Variants in POLR1D observed in about 807,000 individuals in gnomAD.
The protein encoded by POLR1D is DNA-directed RNA polymerases I and III subunit RPAC2.
A neutral mutation model predicts 10.8 loss-of-function variants in POLR1D; 8 were observed. That is an observed-to-expected ratio of 0.74 (90% CI 0.43 to 1.33). The LOEUF (loss-of-function observed/expected upper bound fraction) is 1.33, where lower values mean the gene tolerates loss of function less well. Ranked by LOEUF, POLR1D falls within the 40% of genes most tolerant of loss-of-function variation. POLR1D has a pLI of 0.01. For synonymous variants in POLR1D, 54 were observed against 57.2 expected (o/e 0.94, Z 0.25); for missense variants, 152 against 161.7 (o/e 0.94, Z 0.32).
intron 2 of POLR1D, among the ~76,000 whole-genome samples, chr13:27,655,629 T>C (rs1956301554): frequency 6.6e-6 from 1 of 152,192 alleles, no homozygotes; most frequent in Non-Finnish European, 1.5e-5. Flanking sequence ...TAATGTCAGG[T>C]TGCCCTTGAT....
chr13:27,624,761 G>T (rs764576964), downstream of POLR1D, among the ~76,000 whole-genome samples: 1 of 152,124 alleles, frequency 6.6e-6, no homozygotes, highest in African/African-American at 2.4e-5. Context: ...GGTGACACAT[G>T]CCTGTAGTCC....
rs529475227 is a variant in POLR1D at position 27,643,940 on chromosome 13, A to G, written c.27-4439A>G. Reference sequence around the variant, plus strand: ...AGAGAGTAGTCTTATTAAGCAATGTATTGCCTTTTTTGAACCTGTTTTTCT... The same window carrying G: ...AGAGAGTAGTCTTATTAAGCAATGTGTTGCCTTTTTTGAACCTGTTTTTCT... On this transcript the variant is annotated intron_variant, in intron 1 of 2. Coordinates refer to the POLR1D transcript ENST00000399697. Among the ~76,000 whole-genome samples, 6 of 152,286 alleles carry G rather than the reference A, an allele frequency of 3.9e-5. No individual in the cohort carries two copies. In the East Asian group the frequency reaches 9.6e-4, roughly 24 times the overall value.
At chr13:27,666,924 T>C (rs11149483) in exon 3 of POLR1D, 43,878 of 152,126 alleles carry the variant, frequency 0.29, 7,679 homozygotes, top group Admixed American at 0.42. Flanking sequence ...TGTCTCCCTG[T>C]TCCCCCTCCC....
chr13:27,637,669 G>A (rs1956137977), intron 1 of POLR1D, among the ~76,000 whole-genome samples: 1 of 151,870 alleles, frequency 6.6e-6, no homozygotes, highest in Admixed American at 6.6e-5. Flanking sequence ...TTGTAAAATG[G>A]GATTTAAAAT....
At chr13:27,630,835 T>C (rs1956065747) in intron 1 of POLR1D, among the ~76,000 whole-genome samples, 1 of 152,226 alleles carries the variant, frequency 6.6e-6, no homozygotes, top group African/African-American at 2.4e-5. Flanking sequence ...ATGTTATCCA[T>C]AGGAGCCCTC....
chr13:27,652,920 T>C (rs918235601), intron 2 of POLR1D, among the ~76,000 whole-genome samples: 2 of 138,090 alleles, frequency 1.4e-5, no homozygotes, highest in Non-Finnish European at 3.1e-5. Context: ...TCTTTTTTTT[T>C]TTTTTTTTTT....
In POLR1D at chr13:27,663,408, T is replaced by C. The variant is rs1956384293; in HGVS notation, c.102-2278T>C. Among the ~76,000 whole-genome samples the C allele has an allele frequency of 6.6e-6, 1 of 152,164 alleles. No homozygotes were observed. Among genetic ancestry groups the C allele is most frequent in the Admixed American group, 6.5e-5 (1 of 15,276 alleles). ...ATAACCAACATTAAAAAACTGCATC[T>C]CTGATGTTAAAAGAGATGTAAATGC... On this transcript the variant is annotated intron_variant, in intron 2 of 2. Coordinates refer to the POLR1D transcript ENST00000399697. The surrounding 1 kb of genome is among the most constrained non-coding windows in gnomAD (Gnocchi z 4.1).
At chr13:27,666,050 G>T (rs1012066469) in exon 3 of POLR1D, 4 of 1,130,978 alleles carry the variant, frequency 3.5e-6, no homozygotes, top group Non-Finnish European at 3.8e-6. Context: ...ACACCTGAGA[G>T]TGACTTTGAC....
downstream of POLR1D, among the ~76,000 whole-genome samples, chr13:27,628,037 CA>C (rs1306516043): frequency 6.6e-6 from 1 of 152,168 alleles, no homozygotes; most frequent in African/African-American, 2.4e-5. Flanking sequence ...ACCAGTAAGG[CA>C]GGATTTATCA....
intron 2 of POLR1D, among the ~76,000 whole-genome samples, chr13:27,664,230 G>C (rs748747072): frequency 2.0e-5 from 3 of 152,310 alleles, no homozygotes; most frequent in South Asian, 2.1e-4. Flanking sequence ...GACTACTAAG[G>C]CAGCGTAATG....
chr13:27,655,290 A>G (rs1252620605), intron 2 of POLR1D, among the ~76,000 whole-genome samples: 3 of 152,208 alleles, frequency 2.0e-5, no homozygotes, highest in Non-Finnish European at 4.4e-5. Context: ...AACCATGTGA[A>G]AATTAATTGT....
intron 2 of POLR1D, among the ~76,000 whole-genome samples, chr13:27,649,489 G>C (rs1956248296): frequency 6.6e-6 from 1 of 152,264 alleles, no homozygotes; most frequent in Admixed American, 6.5e-5. Context: ...CATATTGTTA[G>C]TAATAATATT....
chr13:27,667,403 A>G (rs891428924), exon 3 of POLR1D: 1 of 152,212 alleles, frequency 6.6e-6, no homozygotes, highest in Non-Finnish European at 1.5e-5. Flanking sequence ...ATAAAGCTGA[A>G]TTGTGTCATT....
chr13:27,665,628 A>G, intron 2 of POLR1D: 1 of 1,506,976 alleles, frequency 6.6e-7, no homozygotes, highest in Non-Finnish European at 9.2e-7. Context: ...TAGTGGGTCC[A>G]GCTTTGGAGT....
chr13:27,639,681 G>A (rs754857681), intron 1 of POLR1D, among the ~76,000 whole-genome samples: 2 of 152,188 alleles, frequency 1.3e-5, no homozygotes, highest in Non-Finnish European at 1.5e-5. Context: ...GGAGCTAAAC[G>A]TTAAGAATTA....
intron 1 of POLR1D, chr13:27,622,418 T>G (rs1955951801): frequency 3.3e-6 from 1 of 299,978 alleles, no homozygotes; most frequent in Non-Finnish European, 6.2e-6. Context: ...TCCTGAACCT[T>G]CCATTCTCCT....
Position 27,621,923 on chromosome 13 carries a change from G to A in POLR1D, c.-61G>A, listed in dbSNP as rs905164158. On this transcript the variant is annotated 5_prime_UTR_variant, in exon 1 of 2. Coordinates refer to ENST00000302979, the MANE Select transcript of POLR1D (RefSeq NM_015972.4). ...TTCCTGCTTCGCCTCCGCGCCTCGC[G>A]CTATGGGACAGAGCCCCCGATCCGC... 3.2e-6 allele frequency: 5 copies of A among 1,549,800 alleles called. No homozygotes were observed. The African/African-American group carries it at 6.8e-5, about 21-fold the overall frequency.
chr13:27,640,830 C>T (rs944265114), intron 1 of POLR1D, among the ~76,000 whole-genome samples: 2 of 152,000 alleles, frequency 1.3e-5, no homozygotes, highest in African/African-American at 2.4e-5. Flanking sequence ...CCATGGATAC[C>T]AAAACCTGAT....
intron 1 of POLR1D, among the ~76,000 whole-genome samples, chr13:27,637,052 GTCTC>G (rs1170809811): frequency 2.6e-5 from 4 of 152,096 alleles, no homozygotes; most frequent in African/African-American, 9.7e-5. Context: ...TAATTTATAA[GTCTC>G]TGAATGATAA....
Sources: allele counts gnomAD v4.1 joint callset (sites outside exome capture counted in the v4.1 genomes callset), GRCh38; gene constraint gnomAD v4.1.1; non-coding constraint Gnocchi (gnomAD v3.1); transcripts MANE v1.5; gene names NCBI Gene and HGNC (gene_info 2026-07-23, HGNC 2026-07-21).